SYNPO2: variants seen among roughly 807,000 people sequenced by gnomAD.
SYNPO2 encodes the protein synaptopodin-2.
A neutral mutation model predicts 85.0 loss-of-function variants in SYNPO2; 56 were observed. That is an observed-to-expected ratio of 0.66 (90% CI 0.53 to 0.82). SYNPO2 has a LOEUF of 0.82. Among genes scored for constraint, SYNPO2 ranks in the 40% least tolerant of loss-of-function variants. The pLI, the probability that SYNPO2 is intolerant of heterozygous loss-of-function variation, is 0.00. For missense variants in SYNPO2, 1,575 were observed against 1,534.2 expected, an observed-to-expected ratio of 1.03 and a Z score of -0.44; for synonymous variants, 602 against 591.1, an observed-to-expected ratio of 1.02 and a Z score of -0.27.
rs185309101 is a variant in SYNPO2 at position 118,906,630 on chromosome 4, C to T, written c.105+17489C>T. Among the ~76,000 whole-genome samples the T allele has an allele frequency of 2.8e-3, 421 of 152,062 alleles. 1 individual carries two copies. The highest frequency in any genetic ancestry group is 4.9e-3 in the Non-Finnish European group (333 of 67,990). On this transcript the variant is annotated intron_variant, in intron 1 of 4. Transcript: ENST00000307142. ...TTTCTGGAAAGGATAATTATTTATA[C>T]AGTATTGTTTGGGGATTTTATTTGA... is the stretch of plus-strand genomic sequence containing the variant.
rs60158411 is a variant in SYNPO2 at position 119,059,161 on chromosome 4, A to G, written c.*1227A>G. Reference sequence around the variant, plus strand: ...GGTAATTAGTGTCACTACATGTATCATTAAAGGTCCTAAAAGGAATTGTTA... The same window carrying G: ...GGTAATTAGTGTCACTACATGTATCGTTAAAGGTCCTAAAAGGAATTGTTA... On this transcript the variant is annotated 3_prime_UTR_variant, in exon 5 of 5. Transcript: ENST00000307142. The G allele has an allele frequency of 0.03, 4,616 of 152,340 alleles. 216 individuals carry two copies. Among genetic ancestry groups the G allele is most frequent in the East Asian group, 0.13 (653 of 5,188 alleles). The allele number at this position is 152,340 out of a possible 1,614,324, so 9.4% of individuals were successfully genotyped here.
intron 1 of SYNPO2, among the ~76,000 whole-genome samples, chr4:119,016,692 C>T (rs2149181913): frequency 6.6e-6 from 1 of 152,338 alleles, no homozygotes; most frequent in South Asian, 2.1e-4. Flanking sequence ...TCTGCTCTAT[C>T]AGTGTTTGCC....
At chr4:119,007,233 T>TACATATATATGTATATACATATAC (rs1560971895) in intron 1 of SYNPO2, among the ~76,000 whole-genome samples, 1 of 42,090 alleles carries the variant, frequency 2.4e-5, no homozygotes, top group African/African-American at 9.9e-5. Context: ...TATATATATA[T>TACATATATATGTATATACATATAC]ATATATATAT....
chr4:118,882,774 GT>G (rs112261966), intron 1 of SYNPO2, among the ~76,000 whole-genome samples: 50 of 147,816 alleles, frequency 3.4e-4, no homozygotes, highest in South Asian at 8.5e-4. Context: ...ATGCCTGCTA[GT>G]TTTTTTTTTT....
intron 1 of SYNPO2, among the ~76,000 whole-genome samples, chr4:118,941,519 T>C (rs1294998701): frequency 6.6e-6 from 1 of 152,226 alleles, no homozygotes; most frequent in South Asian, 2.1e-4. Context: ...CCCAGTCTCC[T>C]ACTGCAACTT....
chr4:118,938,220 G>A (rs184688064), intron 1 of SYNPO2, among the ~76,000 whole-genome samples: 112 of 152,264 alleles, frequency 7.4e-4, no homozygotes, highest in Non-Finnish European at 1.2e-3. Flanking sequence ...TTGGGAGGCT[G>A]AGGCACAAGA....
chr4:119,009,489 C>T (rs1737209741), intron 1 of SYNPO2, among the ~76,000 whole-genome samples: 1 of 152,140 alleles, frequency 6.6e-6, no homozygotes, highest in African/African-American at 2.4e-5. Flanking sequence ...AGGAAAGTCA[C>T]TCAGGCACTC....
At chr4:119,035,538 C>G in intron 4 of SYNPO2, 1 of 985,390 alleles carries the variant, frequency 1.0e-6, no homozygotes, top group African/African-American at 1.7e-5. Flanking sequence ...CACTCTAGAG[C>G]ATGTCAAACT....
rs1013991896 is a variant in SYNPO2, at chr4:118,956,907, T to C, written c.106-66523T>C. 8.6e-4 allele frequency among the ~76,000 whole-genome samples: 130 copies of C among 151,930 alleles called. 1 individual carries two copies. The highest frequency in any genetic ancestry group is 3.5e-4 in the Non-Finnish European group (24 of 67,982). ...TAAAAATATAAAAATTAGCCTGGTG[T>C]GGTGGTGGGTGCCTATAATCCCAGC... is the stretch of plus-strand genomic sequence containing the variant. On this transcript the variant is annotated intron_variant, in intron 1 of 4. Coordinates refer to ENST00000307142, the MANE Select transcript of SYNPO2 (RefSeq NM_133477.3).
At chr4:119,050,572 T>G (rs1255858604) in intron 4 of SYNPO2, among the ~76,000 whole-genome samples, 1 of 152,122 alleles carries the variant, frequency 6.6e-6, no homozygotes, top group Non-Finnish European at 1.5e-5. Context: ...ACACTCCACA[T>G]AAAGAAATCA....
chr4:119,024,491 C>G (rs1340024614), intron 2 of SYNPO2, among the ~76,000 whole-genome samples: 1 of 152,144 alleles, frequency 6.6e-6, no homozygotes, highest in Admixed American at 6.5e-5. Flanking sequence ...CAGTATGATT[C>G]TGTTCCGGGA....
At chr4:119,033,309 T>C in intron 4 of SYNPO2, 1 of 985,436 alleles carries the variant, frequency 1.0e-6, no homozygotes, top group Non-Finnish European at 1.2e-6. Flanking sequence ...AATTCTATTC[T>C]CTCACCTTCA....
chr4:118,928,889 T>G (rs544261936), intron 1 of SYNPO2, among the ~76,000 whole-genome samples: 1 of 152,304 alleles, frequency 6.6e-6, no homozygotes, highest in Admixed American at 6.5e-5. Context: ...TAAGCCACAA[T>G]CCACAGCCAT....
chr4:119,038,398 GT>G (rs1700047737), intron 4 of SYNPO2: 2 of 984,996 alleles, frequency 2.0e-6, no homozygotes, highest in Non-Finnish European at 2.4e-6. Flanking sequence ...TTACAGCAAT[GT>G]TGTGTGACTT....
At chr4:119,055,954 T>C (rs1044454951) in intron 4 of SYNPO2, among the ~76,000 whole-genome samples, 4 of 152,146 alleles carry the variant, frequency 2.6e-5, no homozygotes, top group African/African-American at 9.7e-5. Context: ...AATCCAGGTA[T>C]TGATATTCAC....
intron 1 of SYNPO2, among the ~76,000 whole-genome samples, chr4:118,865,739 G>C (rs1731689281): frequency 6.6e-6 from 1 of 152,054 alleles, no homozygotes; most frequent in Non-Finnish European, 1.5e-5. Context: ...GAAAAAGCAC[G>C]GTTAAAAAAA....
chr4:118,861,725 T>C (rs1731615158), intron 1 of SYNPO2, among the ~76,000 whole-genome samples: 1 of 152,190 alleles, frequency 6.6e-6, no homozygotes, highest in African/African-American at 2.4e-5. Context: ...GCCAATACCA[T>C]GTAGTTATGA....
At chr4:118,885,500 T>G (rs1422459674), upstream of SYNPO2, among the ~76,000 whole-genome samples, 1 of 146,364 alleles carries the variant, frequency 6.8e-6, no homozygotes, top group Non-Finnish European at 1.5e-5. Context: ...TCAGATGGAG[T>G]CTTGCTCTAT....
chr4:119,045,037 A>G (rs1738833501), intron 4 of SYNPO2, among the ~76,000 whole-genome samples: 1 of 152,232 alleles, frequency 6.6e-6, no homozygotes, highest in African/African-American at 2.4e-5. Flanking sequence ...GGCCAAATCA[A>G]GTTTGTTACA....
Sources: gnomAD v4.1 joint callset for allele counts (sites outside exome capture counted in the v4.1 genomes callset) on GRCh38, gnomAD v4.1.1 for gene constraint, MANE v1.5 for transcripts, NCBI Gene and HGNC (gene_info 2026-07-23, HGNC 2026-07-21) for gene names.